C1QTNF1: variants seen among roughly 807,000 people sequenced by gnomAD.
C1QTNF1 encodes complement C1q tumor necrosis factor-related protein 1.
Under a neutral mutation model 27.8 loss-of-function variants are expected in C1QTNF1, and 22 were observed. That is an observed-to-expected ratio of 0.79 (90% CI 0.56 to 1.13). The LOEUF is 1.13. Among genes scored for constraint, C1QTNF1 ranks in the 50% most tolerant of loss-of-function variants. The pLI is 0.00. For synonymous variants in C1QTNF1, 166 were observed against 154.3 expected (o/e 1.08, Z -0.56); for missense variants, 373 against 380.2 (o/e 0.98, Z 0.16).
chr17:79,030,516 T>TCTTC (rs1449869521), intron 1 of C1QTNF1, among the ~76,000 whole-genome samples: 5 of 141,186 alleles, frequency 3.5e-5, no homozygotes, highest in Non-Finnish European at 4.7e-5. Flanking sequence ...TTTCTTTCTT[T>TCTTC]CTTTCTTTCT....
At chr17:79,039,735 GC>G (rs2072352605) in intron 1 of C1QTNF1, among the ~76,000 whole-genome samples, 1 of 151,836 alleles carries the variant, frequency 6.6e-6, no homozygotes, top group African/African-American at 2.4e-5. Flanking sequence ...ATCCAAGGTA[GC>G]TTTTTAATGC....
intron 1 of C1QTNF1, among the ~76,000 whole-genome samples, chr17:79,029,329 G>C (rs184515603): frequency 6.6e-6 from 1 of 152,154 alleles, no homozygotes; most frequent in Non-Finnish European, 1.5e-5. Flanking sequence ...CTTTGCTGTC[G>C]GACACACCTA....
At chr17:79,031,163 G>C (rs972158448) in intron 1 of C1QTNF1, among the ~76,000 whole-genome samples, 2 of 150,272 alleles carry the variant, frequency 1.3e-5, no homozygotes, top group Non-Finnish European at 3.0e-5. Flanking sequence ...CTGCCACCAC[G>C]CCCGGCTAAT....
intron 1 of C1QTNF1, chr17:79,025,745 C>T (rs558841181): frequency 3.4e-5 from 7 of 203,568 alleles, no homozygotes; most frequent in Admixed American, 1.4e-4. Flanking sequence ...ACCTGCCAAC[C>T]GGGGAGGAGG....
Position 79,039,824 on chromosome 17 carries a change from T to C in C1QTNF1, c.-14-4131T>C, listed in dbSNP as rs143984919. 3.3e-5 allele frequency among the ~76,000 whole-genome samples: 5 copies of C among 151,378 alleles called. No homozygotes were observed. In the East Asian group the frequency reaches 9.7e-4, roughly 29 times the overall value. On this transcript the variant is annotated intron_variant, in intron 1 of 3. Transcript: ENST00000579760. ...ATATATATATATATGTAAATATGTA[T>C]ATATGTATATATATGTAAACATGTG...
At chr17:79,025,625 C>T (rs2071929425) in intron 1 of C1QTNF1, 1 of 157,374 alleles carries the variant, frequency 6.4e-6, no homozygotes, top group African/African-American at 2.4e-5. Flanking sequence ...TACACACTCC[C>T]TGGCAGGCCG....
intron 1 of C1QTNF1, among the ~76,000 whole-genome samples, chr17:79,033,530 C>CT (rs1266861150): frequency 3.4e-5 from 5 of 145,210 alleles, no homozygotes; most frequent in Non-Finnish European, 7.5e-5. Flanking sequence ...GATCCTGTCT[C>CT]TAAAAAAAAA....
At chr17:79,044,295 C>A (rs1179300312) in intron 2 of C1QTNF1, among the ~76,000 whole-genome samples, 172 bp downstream of exon 2, 1 of 152,194 alleles carries the variant, frequency 6.6e-6, no homozygotes, top group Non-Finnish European at 1.5e-5. Context: ...GCGATTCCTC[C>A]TTTCAGTGGC....
intron 2 of C1QTNF1, 33 bp downstream of exon 2, chr17:79,044,156 T>A: frequency 1.3e-6 from 2 of 1,557,566 alleles, no homozygotes; most frequent in South Asian, 2.4e-5. Flanking sequence ...TAGCAGGAGC[T>A]CTGGCTCTGG....
At chr17:79,028,898 G>GTA (rs1568059833) in intron 1 of C1QTNF1, among the ~76,000 whole-genome samples, 1 of 152,010 alleles carries the variant, frequency 6.6e-6, no homozygotes, top group Non-Finnish European at 1.5e-5. Context: ...GTGTGTGTGT[G>GTA]TGTGTGTGTG....
At chr17:79,042,908 G>T (rs751343555) in intron 1 of C1QTNF1, among the ~76,000 whole-genome samples, 2 of 152,230 alleles carry the variant, frequency 1.3e-5, no homozygotes, top group Non-Finnish European at 2.9e-5. Context: ...TTGAGAGTAT[G>T]CGGGCGTGCA....
At position 79,048,219 on chromosome 17, in the gene C1QTNF1, A is replaced by C; in HGVS notation, c.*131A>C. Reference sequence around the variant, plus strand: ...CAGTGAGACGCCCTGCACACACAGAAAGCCAAAGCGATCGGTGCTCCCAGA... The same window carrying C: ...CAGTGAGACGCCCTGCACACACAGACAGCCAAAGCGATCGGTGCTCCCAGA... On this transcript the variant is annotated 3_prime_UTR_variant, in exon 4 of 4. Transcript: ENST00000579760. The C allele has an allele frequency of 1.1e-6, 1 of 900,530 alleles. No individual in the cohort carries two copies. The highest frequency in any genetic ancestry group is 1.6e-6 in the Non-Finnish European group (1 of 619,238). 55.8% of individuals were successfully genotyped at this position (900,530 alleles called of 1,614,324 possible).
intron 1 of C1QTNF1, among the ~76,000 whole-genome samples, chr17:79,034,836 T>G (rs1479959079): frequency 1.3e-5 from 2 of 151,946 alleles, no homozygotes; most frequent in Non-Finnish European, 2.9e-5. Context: ...AGAGAGGAGA[T>G]AGGCTCCAGG....
chr17:79,033,097 G>T (rs555511454), intron 1 of C1QTNF1, among the ~76,000 whole-genome samples: 1 of 150,666 alleles, frequency 6.6e-6, no homozygotes. Flanking sequence ...AAGTCTTAGC[G>T]CAGAGCAAAG....
intron 1 of C1QTNF1, among the ~76,000 whole-genome samples, chr17:79,033,667 C>T (rs1260753611): frequency 6.6e-6 from 1 of 151,784 alleles, no homozygotes; most frequent in African/African-American, 2.4e-5. Context: ...GACTGTACCA[C>T]TGCACTCCAG....
In C1QTNF1 at chr17:79,047,574, G is replaced by C. The variant is rs1305750296; in HGVS notation, c.332G>C (p.Gly111Ala). The C allele has an allele frequency of 6.5e-7, 1 of 1,535,874 alleles. No homozygotes were observed. The highest frequency in any genetic ancestry group is 1.4e-5 in the African/African-American group (1 of 72,030). Reference sequence around the variant, plus strand: ...GACCGCGGAGATCGAGGCCTCCAAGGGAAATATGGCAAAACAGGCTCAGCA... The same window carrying C: ...GACCGCGGAGATCGAGGCCTCCAAGCGAAATATGGCAAAACAGGCTCAGCA... ...KGDRGDRGLQ[G>A]KYGKTGSAGA... is the part of the protein sequence containing the mutation. Residue 111 changes from glycine (G) to alanine (A), a missense_variant, in exon 4 of 4, where the codon GGG becomes GCG. Coordinates refer to ENST00000579760, the MANE Select transcript of C1QTNF1 (RefSeq NM_030968.5).
intron 1 of C1QTNF1, among the ~76,000 whole-genome samples, chr17:79,036,723 G>A (rs1476457218): frequency 6.6e-6 from 1 of 152,118 alleles, no homozygotes; most frequent in Non-Finnish European, 1.5e-5. Context: ...TGAGGTCAGG[G>A]AATAGATTTA....
chr17:79,026,670 C>A (rs1295978625), intron 1 of C1QTNF1, among the ~76,000 whole-genome samples: 1 of 152,184 alleles, frequency 6.6e-6, no homozygotes, highest in South Asian at 2.1e-4. Context: ...TGAGCTCATT[C>A]AGGGAGGCAG....
intron 1 of C1QTNF1, among the ~76,000 whole-genome samples, chr17:79,030,134 G>A (rs1045422076): frequency 5.3e-5 from 8 of 152,114 alleles, no homozygotes; most frequent in African/African-American, 1.9e-4. Flanking sequence ...TTAGTCCCCA[G>A]GGTGGGGCTT....
Sources: allele counts gnomAD v4.1 joint callset (sites outside exome capture counted in the v4.1 genomes callset), GRCh38; gene constraint gnomAD v4.1.1; transcripts MANE v1.5; gene names NCBI Gene and HGNC (gene_info 2026-07-23, HGNC 2026-07-21).